Variants in PDE11A observed in about 807,000 individuals in gnomAD.
The protein encoded by PDE11A is dual 3',5'-cyclic-AMP and -GMP phosphodiesterase 11A.
Under a neutral mutation model 100.5 loss-of-function variants are expected in PDE11A, and 100 were observed. The ratio of observed to expected loss-of-function variants is 1.00; its 90% CI spans 0.85 to 1.18. The LOEUF is 1.18. Among genes scored for constraint, PDE11A ranks in the 50% most tolerant of loss-of-function variants. The probability of loss-of-function intolerance (pLI) is 0.00; values close to 1 mark genes in which losing one functional copy is unlikely to be tolerated. For missense variants in PDE11A, 1,141 were observed against 1,152.6 expected (o/e 0.99, Z 0.15); for synonymous variants, 381 against 420.8 (o/e 0.91, Z 1.16).
chr2:178,003,520 G>T (rs2086169291), intron 2 of PDE11A, among the ~76,000 whole-genome samples: 1 of 152,168 alleles, frequency 6.6e-6, no homozygotes, highest in South Asian at 2.1e-4. Context: ...AGAGATAGAA[G>T]GTAGACTGGT....
chr2:177,888,709 A>C (rs899743630), intron 4 of PDE11A: 1 of 952,378 alleles, frequency 1.0e-6, no homozygotes, highest in African/African-American at 1.8e-5. Flanking sequence ...TGCAGTGAGC[A>C]AACCTGGGAG....
At chr2:178,090,559 C>A (rs1198391509) in intron 2 of PDE11A, among the ~76,000 whole-genome samples, 1 of 152,152 alleles carries the variant, frequency 6.6e-6, no homozygotes, top group Non-Finnish European at 1.5e-5. Flanking sequence ...CCTTTTACTT[C>A]CCCCTGCAAT....
chr2:177,814,872 T>C (rs971603453), intron 9 of PDE11A, among the ~76,000 whole-genome samples: 2 of 152,166 alleles, frequency 1.3e-5, no homozygotes, highest in African/African-American at 2.4e-5. Flanking sequence ...AGTGGTGCCT[T>C]TTACTGAATC....
chr2:177,852,478 T>A (rs150781096), intron 5 of PDE11A, among the ~76,000 whole-genome samples: 1 of 152,288 alleles, frequency 6.6e-6, no homozygotes, highest in African/African-American at 2.4e-5. Flanking sequence ...GAAACTGCAT[T>A]CCTTACTTTT....
rs10622468 is a variant in PDE11A at position 177,993,936 on chromosome 2, A to AT, written c.1071+20365dup. On this transcript the variant is annotated intron_variant, in intron 2 of 19. Coordinates refer to ENST00000286063, the MANE Select transcript of PDE11A (RefSeq NM_016953.4). ...TGAAGATTAGACTCCGCAAATGTAA[A>AT]TTTTTTTTTTTTTTTTTGAGGCAGA... Among the ~76,000 whole-genome samples the AT allele has an allele frequency of 4.2e-3, 593 of 140,976 alleles. 25 individuals carry two copies. Among genetic ancestry groups the AT allele is most frequent in the Middle Eastern group, 0.018 (5 of 274 alleles). The allele number at this position is 140,976 out of a possible 152,430, so 92.5% of individuals were successfully genotyped here.
At chr2:178,051,279 T>C (rs1189493240) in intron 1 of PDE11A, among the ~76,000 whole-genome samples, 1 of 152,142 alleles carries the variant, frequency 6.6e-6, no homozygotes, top group Admixed American at 6.5e-5. Context: ...GAAGGAGAAA[T>C]AAAATCCTTT....
intron 10 of PDE11A, among the ~76,000 whole-genome samples, chr2:177,740,183 AT>A (rs1338869975): frequency 6.6e-6 from 1 of 152,248 alleles, no homozygotes; most frequent in African/African-American, 2.4e-5. Context: ...ATATGTTAGT[AT>A]CTGACTTAAG....
At chr2:177,849,316 G>A (rs968087929) in intron 5 of PDE11A, among the ~76,000 whole-genome samples, 26 of 152,168 alleles carry the variant, frequency 1.7e-4, no homozygotes, top group Non-Finnish European at 3.2e-4. Context: ...GATGTGGAAG[G>A]ATGTTGGTCT....
chr2:178,045,694 T>C (rs1559053016), intron 1 of PDE11A, among the ~76,000 whole-genome samples: 1 of 152,240 alleles, frequency 6.6e-6, no homozygotes, highest in Non-Finnish European at 1.5e-5. Flanking sequence ...CAGGCATTAA[T>C]GGATTATATT....
chr2:177,733,070 C>T lies in PDE11A; in HGVS notation c.1789-4898G>A, dbSNP rs548292908. Among the ~76,000 whole-genome samples the T allele has an allele frequency of 2.6e-5, 4 of 152,290 alleles. No homozygotes were observed. The South Asian group carries it at 8.3e-4, about 32-fold the overall frequency. On this transcript the variant is annotated intron_variant, in intron 10 of 19. Transcript: ENST00000286063. ...TATAGAGACACAGTGCTCCCCATTG[C>T]TTCCAGTAAACAGAAAATGAGATTG... is the stretch of plus-strand genomic sequence containing the variant.
At chr2:177,670,437 T>C (rs1042328058) in intron 17 of PDE11A, among the ~76,000 whole-genome samples, 1 of 152,094 alleles carries the variant, frequency 6.6e-6, no homozygotes, top group African/African-American at 2.4e-5. Flanking sequence ...GGGAAGCAAA[T>C]TGATATGACA....
intron 2 of PDE11A, among the ~76,000 whole-genome samples, chr2:177,996,238 AAAAAAAGAAAAAG>A (rs2086073318): frequency 6.6e-6 from 1 of 151,948 alleles, no homozygotes; most frequent in Non-Finnish European, 1.5e-5. Flanking sequence ...AAATAAAAAA[AAAAAAAGAAAAAG>A]AAAAAGAAAA....
Position 177,728,150 on chromosome 2 carries a change from G to C in PDE11A, c.1811C>G (p.Ser604Ter), listed in dbSNP as rs771254375. 117 of 1,613,324 alleles carry C rather than the reference G, an allele frequency of 7.3e-5. No individual in the cohort carries two copies. The East Asian group carries it at 2.6e-3, about 36-fold the overall frequency. ...KFKAANIPLV[S>*]ELAIDDIHFD... is the part of the protein sequence containing the mutation. ...ATGAATGTCATCGATGGCAAGTTCTGACACCAGAGGGATGTTGGCTGCCTA... is the reference window on the plus strand; with the variant it reads ...ATGAATGTCATCGATGGCAAGTTCTCACACCAGAGGGATGTTGGCTGCCTA... Residue 604 changes from serine to a stop codon, truncating the protein, a stop_gained, in exon 11 of 20, where the codon TCA (serine) becomes TGA (stop). Transcript: ENST00000286063. LOFTEE classifies it high-confidence loss of function.
chr2:177,730,263 T>A (rs151183879), intron 10 of PDE11A, among the ~76,000 whole-genome samples: 95 of 152,238 alleles, frequency 6.2e-4, no homozygotes, highest in African/African-American at 2.1e-3. Flanking sequence ...TGTGTGATGT[T>A]CCCCGCCCTG....
chr2:177,996,085 G>A (rs1163481996), intron 2 of PDE11A, among the ~76,000 whole-genome samples: 2 of 152,048 alleles, frequency 1.3e-5, no homozygotes, highest in Non-Finnish European at 2.9e-5. Context: ...AAATCAGCTG[G>A]GTGTGGTGGT....
intron 19 of PDE11A, among the ~76,000 whole-genome samples, chr2:177,658,888 A>C (rs80014055): frequency 0.074 from 11,220 of 152,060 alleles, 498 homozygotes; most frequent in East Asian, 0.18. Context: ...TATATTTTAA[A>C]GTTTTTTCTC....
chr2:177,912,418 A>G (rs1286886571), intron 2 of PDE11A, among the ~76,000 whole-genome samples: 2 of 152,200 alleles, frequency 1.3e-5, no homozygotes, highest in African/African-American at 2.4e-5. Context: ...CAAGTAGCCT[A>G]GTAGCATCAA....
intron 19 of PDE11A, among the ~76,000 whole-genome samples, chr2:177,657,670 G>C (rs1056934369): frequency 1.3e-5 from 2 of 151,892 alleles, no homozygotes; most frequent in African/African-American, 4.8e-5. Flanking sequence ...AAAGAGAGAG[G>C]GGAGAGAAAG....
At chr2:178,020,015 T>C (rs536829340) in intron 1 of PDE11A, among the ~76,000 whole-genome samples, 4 of 152,238 alleles carry the variant, frequency 2.6e-5, no homozygotes, top group Non-Finnish European at 5.9e-5. Flanking sequence ...AATCAATCAT[T>C]ACTAGGCATT....
Sources: allele counts gnomAD v4.1 joint callset (sites outside exome capture counted in the v4.1 genomes callset), GRCh38; gene constraint gnomAD v4.1.1; transcripts MANE v1.5; gene names NCBI Gene and HGNC (gene_info 2026-07-23, HGNC 2026-07-21).